Variants in IRS2 observed in about 807,000 individuals in gnomAD.
IRS2 encodes insulin receptor substrate 2.
A neutral mutation model predicts 70.9 loss-of-function variants in IRS2; 28 were observed. The observed-to-expected ratio is 0.39, with a 90% CI of 0.29 to 0.54. The LOEUF (loss-of-function observed/expected upper bound fraction) is 0.54. IRS2 is among the 20% of genes least tolerant of loss of function. The pLI is 0.59. For missense variants in IRS2, 2,081 were observed against 2,024.1 expected (o/e 1.03, Z -0.54); for synonymous variants, 1,217 against 981.9 (o/e 1.24, Z -4.48).
rs373328436 is a variant in IRS2 at position 109,767,181 on chromosome 13, T to C, written c.4013-10873A>G. On this transcript the variant is annotated intron_variant, in intron 1 of 1. Transcript: ENST00000375856. ...GAGTCACCAGCAGTTGGATTCAGAGTGAGGACAGGCCCCTTGCTCCTGCCT... is the reference window on the plus strand; with the variant it reads ...GAGTCACCAGCAGTTGGATTCAGAGCGAGGACAGGCCCCTTGCTCCTGCCT... Among the ~76,000 whole-genome samples the C allele has an allele frequency of 1.2e-4, 19 of 152,154 alleles. No individual in the cohort carries two copies. The East Asian group carries it at 2.3e-3, about 19-fold the overall frequency.
intron 1 of IRS2, among the ~76,000 whole-genome samples, chr13:109,778,149 C>T (rs1029761542): frequency 6.6e-6 from 1 of 152,130 alleles, no homozygotes; most frequent in Non-Finnish European, 1.5e-5. Context: ...TGTTTATGAC[C>T]TCATTTACCT....
At chr13:109,772,138 C>T (rs1877465011) in intron 1 of IRS2, among the ~76,000 whole-genome samples, 1 of 152,234 alleles carries the variant, frequency 6.6e-6, no homozygotes, top group African/African-American at 2.4e-5. Flanking sequence ...GTGAGGGTGG[C>T]CACTGAGATG....
At position 109,775,334 on chromosome 13, in the gene IRS2, G is replaced by A. The variant is rs573878162; in HGVS notation, c.4012+6708C>T. 2.6e-5 allele frequency among the ~76,000 whole-genome samples: 4 copies of A among 151,956 alleles called. No individual in the cohort carries two copies. In the East Asian group the frequency reaches 7.8e-4, roughly 30 times the overall value. On this transcript the variant is annotated intron_variant, in intron 1 of 1. Coordinates refer to ENST00000375856, the MANE Select transcript of IRS2 (RefSeq NM_003749.3). ...GGGTTTCTCCATGTTGGCCAGGCTG[G>A]TCTTGAACTCCTGACCTCAGATGAT...
In IRS2 at chr13:109,763,749, A is replaced by T. The variant is rs547254199; in HGVS notation, c.4013-7441T>A. Among the ~76,000 whole-genome samples the T allele has an allele frequency of 1.8e-4, 27 of 152,344 alleles. No homozygotes were observed. In the South Asian group the frequency reaches 5.4e-3, roughly 30 times the overall value. ...TTTCTTACTAATCTAAAAAAATTTT[A>T]TGTACACCATAACAATGTTTATATT... On this transcript the variant is annotated intron_variant, in intron 1 of 1. Transcript: ENST00000375856.
rs1054885857 is a variant in IRS2, at chr13:109,756,130, G to T, written c.*174C>A. ...CCGGGAACAAGGGAAAGAGGCAGGT[G>T]ACCTTGCCTTGTTGGTGCCTCATCT... On this transcript the variant is annotated 3_prime_UTR_variant, in exon 2 of 2. Coordinates refer to ENST00000375856, the MANE Select transcript of IRS2 (RefSeq NM_003749.3). The T allele has an allele frequency of 6.5e-6, 4 of 616,710 alleles. No homozygotes were observed. Among genetic ancestry groups the T allele is most frequent in the African/African-American group, 1.8e-5 (1 of 55,022 alleles). The allele number at this position is 616,710 out of a possible 1,614,324, so 38.2% of individuals were successfully genotyped here. A position where few individuals can be genotyped will look rare whatever the true frequency, so the allele number is the denominator to read the frequency against.
rs1440074515 is a variant in IRS2 at position 109,783,545 on chromosome 13, C to T, written c.2509G>A (p.Glu837Lys). The T allele has an allele frequency of 1.3e-6, 2 of 1,549,678 alleles. No homozygotes were observed. The highest frequency in any genetic ancestry group is 1.2e-5 in the South Asian group (1 of 84,056). Reference protein sequence around the residue: ...SSPVGRILEEERLEPQATPGP... With the variant: ...SSPVGRILEEKRLEPQATPGP... ...GGCGTGGCCTGAGGCTCCAGACGCTCCTCCTCCAGGATGCGCCCCACGGGG... is the reference window on the plus strand; with the variant it reads ...GGCGTGGCCTGAGGCTCCAGACGCTTCTCCTCCAGGATGCGCCCCACGGGG... Residue 837 changes from glutamate to lysine, a missense_variant, in exon 1 of 2, where the codon GAG becomes AAG. Glu to Lys is a moderately conservative substitution (Grantham distance 56). Transcript: ENST00000375856.
At chr13:109,772,066 A>G (rs976164015) in intron 1 of IRS2, among the ~76,000 whole-genome samples, 8 of 152,238 alleles carry the variant, frequency 5.3e-5, no homozygotes, top group African/African-American at 1.9e-4. Flanking sequence ...CCGAACAAAG[A>G]AAGGAGGGCA....
chr13:109,782,531 C>T lies in IRS2; in HGVS notation c.3523G>A (p.Ala1175Thr), dbSNP rs2138929942. 2 of 1,556,370 alleles carry T rather than the reference C, an allele frequency of 1.3e-6. No individual in the cohort carries two copies. ...FAHNPKRHNS[A>T]SVENVSLRKS... ...CTGAGAGAGACATTTTCCACGGAGG[C>T]CGAGTTGTGGCGCTTGGGGTTGTGG... The change falls in exon 1 of 2, where the codon GCC becomes ACC. Residue 1175 changes from alanine (A) to threonine (T), a missense_variant. This residue lies in a region of IRS2 where 1,615 missense variants were observed against 1,459.5 expected (regional missense o/e 1.11). Transcript: ENST00000375856.
intron 1 of IRS2, among the ~76,000 whole-genome samples, chr13:109,780,795 AGGAACC>A: frequency 6.8e-6 from 1 of 146,470 alleles, no homozygotes; most frequent in Admixed American, 6.7e-5. Flanking sequence ...CTATCCTGCT[AGGAACC>A]CTACAAAGAA....
rs1877853768 is a variant in IRS2, at chr13:109,784,597, G to A, written c.1457C>T (p.Ala486Val). 7.4e-7 allele frequency: 1 copy of A among 1,352,042 alleles called. No individual in the cohort carries two copies. The highest frequency in any genetic ancestry group is 1.5e-5 in the African/African-American group (1 of 65,392). 83.8% of individuals were successfully genotyped at this position (1,352,042 alleles called of 1,614,324 possible). A position where few individuals can be genotyped will look rare whatever the true frequency, so the allele number is the denominator to read the frequency against. The change falls in exon 1 of 2, where the codon GCC (alanine) becomes GTC (valine). Residue 486 changes from alanine (A) to valine (V), a missense_variant. Ala to Val is a moderately conservative substitution (Grantham distance 64, BLOSUM62 0). Transcript: ENST00000375856. The surrounding 1 kb of genome is among the most constrained non-coding windows in gnomAD (Gnocchi z 5.2). The part of the protein sequence containing the change: ...GPGQRPSSGS[A>V]SASGSPSDPG... ...GTCGCTGGGGGAGCCCGAGGCGGAG[G>A]CGCTGCCGCTGGAGGGCCGCTGGCC... is the stretch of plus-strand genomic sequence containing the variant.
At position 109,784,198 on chromosome 13, in the gene IRS2, G is replaced by A. The variant is rs752069711; in HGVS notation, c.1856C>T (p.Ser619Phe). Residue 619 changes from serine to phenylalanine, a missense_variant, in exon 1 of 2, where the codon TCC becomes TTC. Physicochemically the swap from Ser to Phe is radical, Grantham distance 155 (BLOSUM62 -2). Transcript: ENST00000375856. This position sits in a 1 kb window ranked among gnomAD's most constrained non-coding sequence, Gnocchi z 5.2. ...AGRLCPSCPA[S>F]SPKVAYHPYP... The stretch of plus-strand genomic sequence containing the variant: ...GGGGTGGTAGGCCACCTTGGGAGAG[G>A]ACGCGGGGCAGGACGGGCAGAGGCG... 12 of 1,575,206 alleles carry A rather than the reference G, an allele frequency of 7.6e-6. No homozygotes were observed. Among genetic ancestry groups the A allele is most frequent in the African/African-American group, 2.7e-5 (2 of 74,266 alleles).
chr13:109,786,017 CCGGCCCGGG>C lies in IRS2; in HGVS notation c.28_36del (p.Pro10_Pro12del). 2 of 1,385,810 alleles carry C rather than the reference CCGGCCCGGG, an allele frequency of 1.4e-6. No homozygotes were observed. Among genetic ancestry groups the C allele is most frequent in the Non-Finnish European group, 1.9e-6 (2 of 1,069,230 alleles). The allele number at this position is 1,385,810 out of a possible 1,614,324, so 85.8% of individuals were successfully genotyped here. ...TTGAGGTTGGGGCCGTCTCCGCTCG[CCGGCCCGGG>C]CGGCCCGTGCCGCGGCGGGCTCGCC... On this transcript the variant is annotated inframe_deletion, in exon 1 of 2. Coordinates refer to ENST00000375856, the MANE Select transcript of IRS2 (RefSeq NM_003749.3). This position sits in a 1 kb window ranked among gnomAD's most constrained non-coding sequence, Gnocchi z 4.4.
intron 1 of IRS2, among the ~76,000 whole-genome samples, chr13:109,776,957 T>C (rs1474482386): frequency 6.6e-6 from 1 of 152,242 alleles, no homozygotes; most frequent in Non-Finnish European, 1.5e-5. Context: ...TAACCAATAC[T>C]TTTGGACATT....
rs1237168257 is a variant in IRS2 at position 109,753,170 on chromosome 13, A to AT, written c.*3133_*3134insA. Reference sequence around the variant, plus strand: ...GAGACGGGGTTTCTCCATGTTGGTCAGGCTTGTCTCGAACTCCTGACCTCA... The same window carrying AT: ...GAGACGGGGTTTCTCCATGTTGGTCATGGCTTGTCTCGAACTCCTGACCTCA... On this transcript the variant is annotated 3_prime_UTR_variant, in exon 2 of 2. Coordinates refer to ENST00000375856, the MANE Select transcript of IRS2 (RefSeq NM_003749.3). The AT allele has an allele frequency of 6.6e-6, 1 of 152,146 alleles. No individual in the cohort carries two copies. Among genetic ancestry groups the AT allele is most frequent in the East Asian group, 1.9e-4 (1 of 5,182 alleles). 9.4% of individuals were successfully genotyped at this position (152,146 alleles called of 1,614,324 possible). A position where few individuals can be genotyped will look rare whatever the true frequency, so the allele number is the denominator to read the frequency against.
Position 109,785,796 on chromosome 13 carries a change from T to A in IRS2, c.258A>T (p.Ala86=). ...GAGCGATCACCCGTTTCGGCGCGCC[T>A]GCCTTGCTCCGCCACTTTTTCTCGC... ...YESEKKWRSK[A]GAPKRVIALD... is the part of the protein sequence containing the mutation. The change falls in exon 1 of 2, where the codon GCA becomes GCT. Residue 86 remains alanine, a synonymous_variant. Coordinates refer to ENST00000375856, the MANE Select transcript of IRS2 (RefSeq NM_003749.3). This position sits in a 1 kb window ranked among gnomAD's most constrained non-coding sequence, Gnocchi z 9.3. 6.3e-7 allele frequency: 1 copy of A among 1,576,574 alleles called. No homozygotes were observed. The highest frequency in any genetic ancestry group is 1.1e-5 in the South Asian group (1 of 88,486).
chr13:109,768,916 A>G (rs1323532284), intron 1 of IRS2, among the ~76,000 whole-genome samples: 1 of 152,198 alleles, frequency 6.6e-6, no homozygotes, highest in African/African-American at 2.4e-5. Context: ...GGATAACAAC[A>G]AGATCCAACC....
chr13:109,767,924 G>A (rs979900649), intron 1 of IRS2, among the ~76,000 whole-genome samples: 1 of 151,854 alleles, frequency 6.6e-6, no homozygotes, highest in Admixed American at 6.5e-5. Context: ...GTAGAGATAG[G>A]GTTTCATCAT....
rs1336719585 is a variant in IRS2, at chr13:109,780,165, T to G, written c.4012+1877A>C. ...GAAAAGGTGTTATGTTCTTGGCTGT[T>G]TTCTGATTAGAATCAGATTCGGGTA... On this transcript the variant is annotated intron_variant, in intron 1 of 1. Transcript: ENST00000375856. Among the ~76,000 whole-genome samples, 4 of 152,216 alleles carry G rather than the reference T, an allele frequency of 2.6e-5. No homozygotes were observed. In the East Asian group the frequency reaches 7.7e-4, roughly 29 times the overall value.
chr13:109,755,821 G>T lies in IRS2; in HGVS notation c.*483C>A, dbSNP rs572334305. ...GGAGGTCCTGTGGGACCCCCGCCAC[G>T]GAAATCCGGCTTTACCTTGAACTGA... On this transcript the variant is annotated 3_prime_UTR_variant, in exon 2 of 2. Transcript: ENST00000375856. 4.2e-4 allele frequency: 95 copies of T among 225,840 alleles called. 1 individual carries two copies. The highest frequency in any genetic ancestry group is 1.5e-3 in the Admixed American group (30 of 19,524). 14.0% of individuals were successfully genotyped at this position (225,840 alleles called of 1,614,324 possible).
Sources: gnomAD v4.1 joint callset for allele counts (sites outside exome capture counted in the v4.1 genomes callset) on GRCh38, gnomAD v4.1.1 for gene constraint, gnomAD v4.1.1 regional missense constraint, Gnocchi (gnomAD v3.1) non-coding constraint, MANE v1.5 for transcripts, NCBI Gene and HGNC (gene_info 2026-07-23, HGNC 2026-07-21) for gene names.